Variants in DPP10 observed in about 807,000 individuals in gnomAD.
The protein encoded by DPP10 is inactive dipeptidyl peptidase 10.
DPP10 carries 33 observed loss-of-function variants against 120.9 expected under a neutral mutation model. The observed-to-expected ratio is 0.27, with a 90% confidence interval of 0.21 to 0.37. The LOEUF (loss-of-function observed/expected upper bound fraction) is 0.37, where lower values mean the gene tolerates loss of function less well. DPP10 is among the 10% of genes least tolerant of loss of function. The pLI is 1.00. For missense variants in DPP10, 816 were observed against 942.8 expected, an observed-to-expected ratio of 0.87 and a Z score of 1.76; for synonymous variants, 337 against 326.1, an observed-to-expected ratio of 1.03 and a Z score of -0.36.
At chr2:114,838,839 T>C (rs540489200) in intron 1 of DPP10, among the ~76,000 whole-genome samples, 105 of 152,280 alleles carry the variant, frequency 6.9e-4, no homozygotes, top group Middle Eastern at 3.4e-3. Context: ...CATTTACCTC[T>C]CTGGATTGGA....
chr2:115,781,179 TA>T (rs1682724982), intron 16 of DPP10, among the ~76,000 whole-genome samples, 184 bp downstream of exon 16: 1 of 151,730 alleles, frequency 6.6e-6, no homozygotes, highest in Non-Finnish European at 1.5e-5. Context: ...TGTATAGAAA[TA>T]AAAAATGAGA....
At chr2:114,497,127 A>G (rs1196918633) in intron 1 of DPP10, among the ~76,000 whole-genome samples, 5 of 149,204 alleles carry the variant, frequency 3.4e-5, no homozygotes, top group South Asian at 2.1e-4. Flanking sequence ...GCACACGTGT[A>G]TACATGTAGG....
intron 1 of DPP10, among the ~76,000 whole-genome samples, chr2:114,444,999 T>G (rs1027925785): frequency 7.2e-5 from 11 of 152,224 alleles, no homozygotes; most frequent in Non-Finnish European, 1.6e-4. Context: ...TTTTTGAATT[T>G]ATACTAAAAA....
At chr2:115,154,329 C>T (rs969852667) in intron 1 of DPP10, among the ~76,000 whole-genome samples, 9 of 152,260 alleles carry the variant, frequency 5.9e-5, no homozygotes, top group African/African-American at 1.7e-4. Context: ...CTTCATAACA[C>T]GTAGTACCTG....
chr2:115,368,341 A>G (rs2065201016), intron 3 of DPP10, among the ~76,000 whole-genome samples: 1 of 152,126 alleles, frequency 6.6e-6, no homozygotes, highest in Non-Finnish European at 1.5e-5. Context: ...CCAGGAGCAC[A>G]GGATAGAAAC....
At chr2:114,874,456 G>T (rs1690980650) in intron 1 of DPP10, among the ~76,000 whole-genome samples, 1 of 151,934 alleles carries the variant, frequency 6.6e-6, no homozygotes. Context: ...CAACCAAAAT[G>T]AGATTACGGA....
intron 1 of DPP10, among the ~76,000 whole-genome samples, chr2:114,591,554 A>ATTTTTTTTTTTTTTTTTTT (rs70937292): frequency 1.4e-4 from 17 of 124,562 alleles, no homozygotes; most frequent in African/African-American, 5.1e-4. Context: ...ACCTCTTCCT[A>ATTTTTTTTTTTTTTTTTTT]TTTTTTTTTT....
chr2:115,198,324 A>G (rs6722872), intron 1 of DPP10, among the ~76,000 whole-genome samples: 9,390 of 152,174 alleles, frequency 0.062, 332 homozygotes, highest in Middle Eastern at 0.11. Flanking sequence ...CCTCTTACTA[A>G]TACCACTCAG....
chr2:114,951,163 C>T (rs1315227794), intron 1 of DPP10, among the ~76,000 whole-genome samples: 4 of 152,122 alleles, frequency 2.6e-5, no homozygotes, highest in Non-Finnish European at 5.9e-5. Flanking sequence ...TCATAAGTTT[C>T]CAACATCATA....
chr2:115,608,573 C>T (rs975804107), intron 5 of DPP10, among the ~76,000 whole-genome samples: 7 of 152,090 alleles, frequency 4.6e-5, no homozygotes, highest in African/African-American at 1.7e-4. Flanking sequence ...TTTGGAACAA[C>T]TAATGTTGTT....
intron 1 of DPP10, among the ~76,000 whole-genome samples, chr2:114,987,283 G>T (rs1220463136): frequency 6.6e-6 from 1 of 152,070 alleles, no homozygotes; most frequent in Admixed American, 6.5e-5. Context: ...CTATGCCATA[G>T]CACTTTCTCC....
intron 11 of DPP10, among the ~76,000 whole-genome samples, chr2:115,758,118 A>G (rs1008537955): frequency 2.1e-4 from 32 of 152,144 alleles, no homozygotes; most frequent in African/African-American, 7.5e-4. Flanking sequence ...TGTATACATT[A>G]ACAAAAAAGC....
intron 1 of DPP10, among the ~76,000 whole-genome samples, chr2:115,245,142 A>T (rs79124487): frequency 0.029 from 4,386 of 151,790 alleles, 209 homozygotes; most frequent in African/African-American, 0.099. Flanking sequence ...ATGATCTCCA[A>T]CTCCATTTGG....
At chr2:114,857,320 G>A (rs1217497643) in intron 1 of DPP10, among the ~76,000 whole-genome samples, 3 of 152,192 alleles carry the variant, frequency 2.0e-5, no homozygotes, top group Non-Finnish European at 4.4e-5. Flanking sequence ...CCACCTGAAG[G>A]AGAATATGTT....
At chr2:115,240,867 G>A (rs1161552887) in intron 1 of DPP10, among the ~76,000 whole-genome samples, 1 of 152,150 alleles carries the variant, frequency 6.6e-6, no homozygotes, top group Non-Finnish European at 1.5e-5. Flanking sequence ...TTGCTTATCA[G>A]CAACACAGCT....
At chr2:114,679,098 A>T (rs1698855457) in intron 1 of DPP10, among the ~76,000 whole-genome samples, 1 of 152,036 alleles carries the variant, frequency 6.6e-6, no homozygotes, top group Non-Finnish European at 1.5e-5. Context: ...ATTTTCAGAC[A>T]AGTTCTGATT....
At chr2:114,839,960 C>A (rs1490704340) in intron 1 of DPP10, among the ~76,000 whole-genome samples, 1 of 152,040 alleles carries the variant, frequency 6.6e-6, no homozygotes, top group Non-Finnish European at 1.5e-5. Context: ...ATGAAAAAAG[C>A]AAGAGTAAAC....
chr2:114,552,581 T>A (rs187444366), intron 1 of DPP10, among the ~76,000 whole-genome samples: 2 of 152,234 alleles, frequency 1.3e-5, no homozygotes, highest in East Asian at 3.9e-4. Context: ...GTCTTACTCT[T>A]ATTGCCCAGG....
At chr2:115,119,915 ATTTAGC>A (rs1377636205) in intron 1 of DPP10, among the ~76,000 whole-genome samples, 3 of 152,200 alleles carry the variant, frequency 2.0e-5, no homozygotes, top group African/African-American at 7.2e-5. Flanking sequence ...TTTCTTCCCA[ATTTAGC>A]CAGTTCTGAG....
Sources: gnomAD v4.1 joint callset for allele counts (sites outside exome capture counted in the v4.1 genomes callset) on GRCh38, gnomAD v4.1.1 for gene constraint, MANE v1.5 for transcripts, NCBI Gene and HGNC (gene_info 2026-07-23, HGNC 2026-07-21) for gene names.